RIN2: variants seen among roughly 807,000 people sequenced by gnomAD.
RIN2 encodes RAB5 interacting protein 2.
A neutral mutation model predicts 78.0 loss-of-function variants in RIN2; 36 were observed. The ratio of observed to expected loss-of-function variants is 0.46; its 90% CI spans 0.35 to 0.61. The LOEUF (loss-of-function observed/expected upper bound fraction) is 0.61. Ranked by LOEUF, RIN2 falls within the 20% of genes least tolerant of loss-of-function variation. RIN2 has a pLI of 0.00. For missense variants in RIN2, 1,087 were observed against 1,159.7 expected, an observed-to-expected ratio of 0.94 and a Z score of 0.91; for synonymous variants, 466 against 466.8, an observed-to-expected ratio of 1.00 and a Z score of 0.02.
At chr20:19,878,065 C>G (rs1286306782) in intron 2 of RIN2, among the ~76,000 whole-genome samples, 1 of 152,124 alleles carries the variant, frequency 6.6e-6, no homozygotes, top group African/African-American at 2.4e-5. Context: ...GTTGTGAGCC[C>G]TAAGATGATC....
chr20:19,866,233 C>T (rs1327770541), intron 2 of RIN2, among the ~76,000 whole-genome samples: 1 of 151,998 alleles, frequency 6.6e-6, no homozygotes, highest in Non-Finnish European at 1.5e-5. Context: ...AATCTAATGC[C>T]ACTGCTGATC....
Position 19,844,607 on chromosome 20 carries a change from T to C in RIN2, c.-37+44860T>C, listed in dbSNP as rs868302888. Among the ~76,000 whole-genome samples, 65 of 35,476 alleles carry C rather than the reference T, an allele frequency of 1.8e-3. No individual in the cohort carries two copies. The East Asian group carries it at 0.025, about 13-fold the overall frequency. 23.3% of individuals were successfully genotyped at this position (35,476 alleles called of 152,430 possible). A position where few individuals can be genotyped will look rare whatever the true frequency, so the allele number is the denominator to read the frequency against. ...CTGCTGCTGCTGCTTCTTCCTCTTC[T>C]TCTTCTTCTTCTTCTTCTTCTTCTT... On this transcript the variant is annotated intron_variant, in intron 2 of 12. Transcript: ENST00000255006.
At chr20:19,872,512 A>G (rs2037720047) in intron 2 of RIN2, among the ~76,000 whole-genome samples, 1 of 152,152 alleles carries the variant, frequency 6.6e-6, no homozygotes, top group Non-Finnish European at 1.5e-5. Flanking sequence ...TCTTACTGCA[A>G]CTTTCTGCCT....
intron 2 of RIN2, among the ~76,000 whole-genome samples, chr20:19,818,334 G>T (rs1346711651): frequency 6.6e-6 from 1 of 152,192 alleles, no homozygotes; most frequent in Non-Finnish European, 1.5e-5. Flanking sequence ...TTTCAGATGA[G>T]CAAAAATGTA....
At chr20:19,918,387 GTGTGTGTC>G (rs150608153) in intron 3 of RIN2, among the ~76,000 whole-genome samples, 2 of 128,096 alleles carry the variant, frequency 1.6e-5, no homozygotes, top group South Asian at 2.6e-4. Flanking sequence ...GTGTGTGTGT[GTGTGTGTC>G]AAAGATTGAT....
intron 1 of RIN2, among the ~76,000 whole-genome samples, chr20:19,784,566 C>T (rs1325727016): frequency 6.6e-6 from 1 of 152,060 alleles, no homozygotes; most frequent in Non-Finnish European, 1.5e-5. Flanking sequence ...AAAAAATTTA[C>T]CCAAATCAAC....
intron 4 of RIN2, among the ~76,000 whole-genome samples, chr20:19,945,345 G>T (rs2041047519): frequency 6.6e-6 from 1 of 152,136 alleles, no homozygotes; most frequent in Non-Finnish European, 1.5e-5. Flanking sequence ...GGCAGGAGGT[G>T]GGTGGCTTTG....
chr20:19,822,960 TAATTTCTAATAATAAATAATCACTAG>T, intron 2 of RIN2, among the ~76,000 whole-genome samples: 2 of 138,304 alleles, frequency 1.4e-5, no homozygotes, highest in East Asian at 4.1e-4. Context: ...ATATTTCTAA[TAATTTCTAATAATAAATAATCACTAG>T]AATAGCTAGC....
intron 12 of RIN2, among the ~76,000 whole-genome samples, chr20:19,999,414 C>T (rs1303073896): frequency 1.3e-5 from 2 of 152,210 alleles, no homozygotes; most frequent in Non-Finnish European, 2.9e-5. Flanking sequence ...GCAGAGCTCA[C>T]TGTCCTTCCC....
At chr20:19,988,718 C>T (rs2042698344) in intron 9 of RIN2, among the ~76,000 whole-genome samples, 1 of 152,230 alleles carries the variant, frequency 6.6e-6, no homozygotes, top group Non-Finnish European at 1.5e-5. Flanking sequence ...ACGCCTCCCA[C>T]ACCCAAAGGT....
chr20:19,977,041 G>C (rs1431946342), intron 9 of RIN2, among the ~76,000 whole-genome samples: 1 of 152,140 alleles, frequency 6.6e-6, no homozygotes, highest in African/African-American at 2.4e-5. Flanking sequence ...CCTTCTAATT[G>C]AAAAAGACAT....
At chr20:19,949,095 G>A (rs753940040) in intron 4 of RIN2, among the ~76,000 whole-genome samples, 13 of 152,096 alleles carry the variant, frequency 8.5e-5, no homozygotes, top group Non-Finnish European at 1.3e-4. Flanking sequence ...CCTGGACAAC[G>A]TGGTGAAACC....
At chr20:19,894,847 T>A (rs866449022) in intron 3 of RIN2, among the ~76,000 whole-genome samples, 4 of 152,208 alleles carry the variant, frequency 2.6e-5, no homozygotes, top group South Asian at 2.1e-4. Context: ...TACATGTTTC[T>A]ACTGATCCAT....
chr20:19,894,003 T>C (rs887204088), intron 3 of RIN2, among the ~76,000 whole-genome samples: 1 of 151,966 alleles, frequency 6.6e-6, no homozygotes, highest in Admixed American at 6.6e-5. Context: ...ACCCAGGAGA[T>C]GGAGGTTGCA....
At chr20:19,854,469 G>A (rs1197573906) in intron 2 of RIN2, among the ~76,000 whole-genome samples, 1 of 152,192 alleles carries the variant, frequency 6.6e-6, no homozygotes, top group African/African-American at 2.4e-5. Context: ...ATTTCCTTGG[G>A]CAGTATGGCC....
intron 3 of RIN2, among the ~76,000 whole-genome samples, chr20:19,918,272 G>T (rs1423197798): frequency 2.0e-5 from 3 of 151,932 alleles, no homozygotes; most frequent in African/African-American, 7.3e-5. Flanking sequence ...CAAGGCCAAG[G>T]TCCCATAGCT....
intron 3 of RIN2, among the ~76,000 whole-genome samples, chr20:19,910,155 T>C (rs963412940): frequency 6.6e-6 from 1 of 152,204 alleles, no homozygotes; most frequent in Non-Finnish European, 1.5e-5. Flanking sequence ...ATTAATTTTT[T>C]ATTTATTTTA....
chr20:19,821,963 T>G (rs2035940037), intron 2 of RIN2, among the ~76,000 whole-genome samples: 1 of 152,162 alleles, frequency 6.6e-6, no homozygotes, highest in South Asian at 2.1e-4. Context: ...TGGGCCAAGT[T>G]TTACCCATCT....
At chr20:19,794,377 G>A (rs1048799516) in intron 1 of RIN2, among the ~76,000 whole-genome samples, 10 of 152,158 alleles carry the variant, frequency 6.6e-5, no homozygotes, top group Middle Eastern at 3.4e-3. Context: ...CCAACATGGC[G>A]AAACCCCATC....
Sources: allele counts gnomAD v4.1 joint callset (sites outside exome capture counted in the v4.1 genomes callset), GRCh38; gene constraint gnomAD v4.1.1; transcripts MANE v1.5; gene names NCBI Gene and HGNC (gene_info 2026-07-23, HGNC 2026-07-21).